WWOX: variants seen among roughly 807,000 people sequenced by gnomAD.
WWOX encodes WW domain-containing oxidoreductase.
A neutral mutation model predicts 46.2 loss-of-function variants in WWOX; 69 were observed. That is an observed-to-expected ratio of 1.49 (90% CI 1.23 to 1.82). The LOEUF (loss-of-function observed/expected upper bound fraction) is 1.82. WWOX is among the 40% of genes most tolerant of loss of function. WWOX has a pLI of 0.00. For synonymous variants in WWOX, 359 were observed against 202.6 expected (o/e 1.77, Z -6.56); for missense variants, 919 against 542.6 (o/e 1.69, Z -6.89).
chr16:78,826,032 G>A (rs182942743), intron 8 of WWOX: 7 of 496,752 alleles, frequency 1.4e-5, no homozygotes, highest in Middle Eastern at 1.1e-3. Context: ...AGTTGTATTC[G>A]GAGTCTGGAT....
intron 8 of WWOX, among the ~76,000 whole-genome samples, chr16:78,529,712 C>A (rs960646202): frequency 6.6e-6 from 1 of 152,000 alleles, no homozygotes; most frequent in Admixed American, 6.6e-5. Flanking sequence ...CGTGATCCAC[C>A]CACCTCGGCC....
At chr16:78,321,883 G>T (rs2080491787) in intron 5 of WWOX, among the ~76,000 whole-genome samples, 1 of 152,116 alleles carries the variant, frequency 6.6e-6, no homozygotes, top group Non-Finnish European at 1.5e-5. Flanking sequence ...GACATTTAGT[G>T]ACATGCGCTC....
At chr16:78,689,631 T>C in intron 8 of WWOX, among the ~76,000 whole-genome samples, 1 of 152,168 alleles carries the variant, frequency 6.6e-6, no homozygotes, top group South Asian at 2.1e-4. Context: ...CTTGGTTAAG[T>C]TGGAATACTC....
At chr16:78,729,774 C>T (rs912527258) in intron 8 of WWOX, among the ~76,000 whole-genome samples, 1 of 152,208 alleles carries the variant, frequency 6.6e-6, no homozygotes, top group East Asian at 1.9e-4. Flanking sequence ...TGAAGTCCCT[C>T]AGCTGCTAAG....
intron 8 of WWOX, among the ~76,000 whole-genome samples, chr16:79,096,489 C>T: frequency 6.6e-6 from 1 of 152,126 alleles, no homozygotes; most frequent in Non-Finnish European, 1.5e-5. Flanking sequence ...TTATCCCACT[C>T]AGAGTGCCCT....
chr16:78,273,280 T>G (rs942474589), intron 5 of WWOX, among the ~76,000 whole-genome samples: 15 of 152,160 alleles, frequency 9.9e-5, no homozygotes, highest in Non-Finnish European at 1.6e-4. Flanking sequence ...AGCCTAGTTG[T>G]CCAAACTTTA....
chr16:79,137,280 A>G (rs1177941077), intron 8 of WWOX, among the ~76,000 whole-genome samples: 1 of 152,214 alleles, frequency 6.6e-6, no homozygotes, highest in African/African-American at 2.4e-5. Flanking sequence ...GAAGAAAATG[A>G]TGGTATCACA....
chr16:78,462,412 T>A (rs996513583), intron 8 of WWOX, among the ~76,000 whole-genome samples: 2 of 152,206 alleles, frequency 1.3e-5, no homozygotes, highest in African/African-American at 2.4e-5. Flanking sequence ...ATTTATCCTG[T>A]TGTCGCTAAT....
intron 5 of WWOX, among the ~76,000 whole-genome samples, chr16:78,333,866 A>C (rs2080819446): frequency 6.6e-6 from 1 of 152,242 alleles, no homozygotes; most frequent in African/African-American, 2.4e-5. Flanking sequence ...TACTGTTAAA[A>C]AGAAAAAACA....
At chr16:78,222,992 G>A (rs969379970) in intron 5 of WWOX, among the ~76,000 whole-genome samples, 1 of 152,158 alleles carries the variant, frequency 6.6e-6, no homozygotes. Flanking sequence ...AGGGAGGGAC[G>A]CACTCCCTGT....
chr16:78,568,487 T>G (rs576124715), intron 8 of WWOX, among the ~76,000 whole-genome samples: 8 of 150,260 alleles, frequency 5.3e-5, no homozygotes, highest in African/African-American at 2.0e-4. Flanking sequence ...TTTTTTTTTT[T>G]TTTTTTGAGT....
intron 8 of WWOX, among the ~76,000 whole-genome samples, chr16:78,489,652 C>T (rs2084730437): frequency 6.6e-6 from 1 of 152,110 alleles, no homozygotes; most frequent in Admixed American, 6.6e-5. Context: ...TAGTCTTGCT[C>T]TCCAGGGTAA....
intron 4 of WWOX, among the ~76,000 whole-genome samples, chr16:78,115,363 A>T (rs1276835174): frequency 6.6e-6 from 1 of 152,204 alleles, no homozygotes; most frequent in African/African-American, 2.4e-5. Flanking sequence ...AGTCTCTGAA[A>T]GCTGAACACT....
At chr16:78,248,804 T>C (rs1336871491) in intron 5 of WWOX, among the ~76,000 whole-genome samples, 1 of 151,548 alleles carries the variant, frequency 6.6e-6, no homozygotes, top group Non-Finnish European at 1.5e-5. Flanking sequence ...TCAATGTGAA[T>C]TAAATGACAT....
chr16:79,033,372 A>G (rs890971767), intron 8 of WWOX, among the ~76,000 whole-genome samples: 3 of 148,930 alleles, frequency 2.0e-5, no homozygotes, highest in African/African-American at 7.4e-5. Flanking sequence ...TATATAATAG[A>G]CTCTATAATA....
intron 8 of WWOX, among the ~76,000 whole-genome samples, chr16:78,730,571 C>A (rs1011480310): frequency 6.6e-6 from 1 of 151,700 alleles, no homozygotes; most frequent in African/African-American, 2.4e-5. Context: ...CCCAACCTAG[C>A]CTCCTAAGTA....
chr16:78,866,917 G>C (rs190200704), intron 8 of WWOX, among the ~76,000 whole-genome samples: 44 of 152,268 alleles, frequency 2.9e-4, no homozygotes, highest in Non-Finnish European at 5.0e-4. Context: ...CTCTTTCTTT[G>C]GTCTGAAGCT....
intron 8 of WWOX, among the ~76,000 whole-genome samples, chr16:78,756,515 A>G (rs1469563750): frequency 6.6e-6 from 1 of 152,178 alleles, no homozygotes; most frequent in African/African-American, 2.4e-5. Flanking sequence ...GCCAGAACAC[A>G]CTGAAAAACA....
chr16:78,941,422 C>G (rs1249853967), intron 8 of WWOX, among the ~76,000 whole-genome samples: 1 of 151,832 alleles, frequency 6.6e-6, no homozygotes, highest in Non-Finnish European at 1.5e-5. Flanking sequence ...TTAGCCGTTG[C>G]TCCTCGTAAG....
Sources: gnomAD v4.1 joint callset for allele counts (sites outside exome capture counted in the v4.1 genomes callset) on GRCh38, gnomAD v4.1.1 for gene constraint, MANE v1.5 for transcripts, NCBI Gene and HGNC (gene_info 2026-07-23, HGNC 2026-07-21) for gene names.